Variants in ANO10 observed in about 807,000 individuals in gnomAD.
The protein encoded by ANO10 is anoctamin 10, also known as anoctamin-10.
ANO10 carries 77 observed loss-of-function variants against 74.7 expected under a neutral mutation model. The ratio of observed to expected loss-of-function variants is 1.03; its 90% CI spans 0.86 to 1.25. The LOEUF (loss-of-function observed/expected upper bound fraction) is 1.25, where lower values mean the gene tolerates loss of function less well. Ranked by LOEUF, ANO10 falls within the 50% of genes most tolerant of loss-of-function variation. ANO10 has a pLI of 0.00. For missense variants in ANO10, 721 were observed against 778.1 expected, an observed-to-expected ratio of 0.93 and a Z score of 0.87; for synonymous variants, 279 against 284.9, an observed-to-expected ratio of 0.98 and a Z score of 0.21.
At chr3:43,483,176 G>A (rs183238149) in intron 11 of ANO10, among the ~76,000 whole-genome samples, 3 of 152,310 alleles carry the variant, frequency 2.0e-5, no homozygotes, top group East Asian at 1.9e-4. Context: ...ATGATCATTC[G>A]TTTTTAAGAA....
intron 11 of ANO10, among the ~76,000 whole-genome samples, chr3:43,507,310 C>T (rs1290757292): frequency 2.0e-5 from 3 of 152,130 alleles, no homozygotes; most frequent in Non-Finnish European, 2.9e-5. Context: ...GTATTCTTCC[C>T]CTTCCCCTTC....
At chr3:43,607,910 A>G (rs1459224579) in intron 1 of ANO10, among the ~76,000 whole-genome samples, 4 of 152,166 alleles carry the variant, frequency 2.6e-5, no homozygotes, top group Non-Finnish European at 5.9e-5. Context: ...GATAAAAACC[A>G]TTGAATGATA....
intron 1 of ANO10, among the ~76,000 whole-genome samples, chr3:43,613,958 C>G (rs756534323): frequency 2.0e-5 from 3 of 152,056 alleles, no homozygotes; most frequent in Non-Finnish European, 4.4e-5. Context: ...AGGGCACTGT[C>G]TGGGAAGGGA....
intron 1 of ANO10, among the ~76,000 whole-genome samples, chr3:43,609,384 A>G (rs997648648): frequency 6.6e-6 from 1 of 152,228 alleles, no homozygotes; most frequent in Non-Finnish European, 1.5e-5. Flanking sequence ...GCAAAATTAA[A>G]TGTATAAAAC....
rs762428946 is a variant in ANO10 at position 43,565,714 on chromosome 3, T to C, written c.1232A>G (p.Asn411Ser). Residue 411 changes from asparagine to serine, a missense_variant, in exon 8 of 13, where the codon AAT becomes AGT. Transcript: ENST00000292246. ...ILKVLVFNFL[N>S]CFASLFYIAF... Reference sequence around the variant, plus strand: ...AATATAGAAGAGTGAGGCAAAGCAATTGAGGAAGTTGAACTGCCAAAAAAA... The same window carrying C: ...AATATAGAAGAGTGAGGCAAAGCAACTGAGGAAGTTGAACTGCCAAAAAAA... The C allele has an allele frequency of 1.6e-4, 250 of 1,549,744 alleles. 1 individual carries two copies. The South Asian group carries it at 2.3e-3, about 14-fold the overall frequency.
intron 4 of ANO10, among the ~76,000 whole-genome samples, chr3:43,584,280 T>C (rs1317139244): frequency 6.6e-6 from 1 of 152,212 alleles, no homozygotes; most frequent in East Asian, 1.9e-4. Flanking sequence ...TGGTTGAGGA[T>C]AGCCCAAGGT....
Position 43,628,470 on chromosome 3 carries a change from T to C in ANO10, c.-11-22607A>G, listed in dbSNP as rs13324010. ...GTGATAATTGCCTTAACTGCACAAA[T>C]TGTAGAGCATATGTGTTTAAACAAT... On this transcript the variant is annotated intron_variant, in intron 1 of 3. Transcript: ENST00000413397. Among the ~76,000 whole-genome samples the C allele has an allele frequency of 2.1e-3, 316 of 152,270 alleles. 2 individuals carry two copies. Among genetic ancestry groups the C allele is most frequent in the African/African-American group, 7.2e-3 (300 of 41,544 alleles).
chr3:43,635,279 A>G (rs1187544029), intron 1 of ANO10, among the ~76,000 whole-genome samples: 1 of 152,198 alleles, frequency 6.6e-6, no homozygotes, highest in Admixed American at 6.5e-5. Flanking sequence ...AAACATTCAG[A>G]GCTAAATTTG....
intron 1 of ANO10, chr3:43,690,872 T>A (rs912217996): frequency 8.9e-7 from 1 of 1,128,698 alleles, no homozygotes; most frequent in South Asian, 1.9e-5. Context: ...GCCGTGCTAG[T>A]GCGCGGAAGA....
At chr3:43,553,735 C>T (rs1163059290) in intron 10 of ANO10, among the ~76,000 whole-genome samples, 1 of 152,130 alleles carries the variant, frequency 6.6e-6, no homozygotes, top group Non-Finnish European at 1.5e-5. Context: ...TGGGGTTTCA[C>T]CACGTTGGCC....
At chr3:43,602,124 T>C (rs941575191) in intron 2 of ANO10, among the ~76,000 whole-genome samples, 2 of 152,140 alleles carry the variant, frequency 1.3e-5, no homozygotes, top group Admixed American at 1.3e-4. Context: ...CTCTCTCCTT[T>C]CCCAAGTGTC....
chr3:43,553,418 C>T (rs1263498044), intron 10 of ANO10, among the ~76,000 whole-genome samples: 1 of 152,120 alleles, frequency 6.6e-6, no homozygotes, highest in Non-Finnish European at 1.5e-5. Flanking sequence ...TCTTTCTTCT[C>T]TCCTTCTGTA....
chr3:43,602,839 C>T (rs1486461950), intron 2 of ANO10, among the ~76,000 whole-genome samples: 1 of 152,166 alleles, frequency 6.6e-6, no homozygotes, highest in Non-Finnish European at 1.5e-5. Flanking sequence ...TAACCTTTCC[C>T]TTTCAAATTG....
chr3:43,560,775 C>T (rs2079991917), intron 9 of ANO10, among the ~76,000 whole-genome samples: 1 of 152,186 alleles, frequency 6.6e-6, no homozygotes, highest in African/African-American at 2.4e-5. Context: ...TACAATAGCA[C>T]TAATGTAAAC....
intron 11 of ANO10, among the ~76,000 whole-genome samples, chr3:43,496,072 G>A (rs984877007): frequency 3.3e-5 from 5 of 152,066 alleles, no homozygotes; most frequent in African/African-American, 4.8e-5. Context: ...TAAGTTACCA[G>A]GACACTTTTG....
intron 10 of ANO10, among the ~76,000 whole-genome samples, chr3:43,551,907 T>C (rs4682689): frequency 0.097 from 14,735 of 152,228 alleles, 1,260 homozygotes; most frequent in African/African-American, 0.22. Flanking sequence ...TAATTGTTGT[T>C]TGACCATTTA....
chr3:43,505,134 T>C (rs1053600334), intron 11 of ANO10, among the ~76,000 whole-genome samples: 5 of 152,210 alleles, frequency 3.3e-5, no homozygotes, highest in African/African-American at 9.7e-5. Flanking sequence ...TAGTATGAGA[T>C]AGTGTTAGCA....
intron 12 of ANO10, among the ~76,000 whole-genome samples, chr3:43,373,134 C>T (rs1250897003): frequency 7.3e-6 from 1 of 137,756 alleles, no homozygotes; most frequent in East Asian, 2.2e-4. Flanking sequence ...ATTTGGGTCC[C>T]AGCCTAAGGT....
chr3:43,450,481 C>T (rs1312855775), intron 11 of ANO10, among the ~76,000 whole-genome samples: 1 of 152,152 alleles, frequency 6.6e-6, no homozygotes, highest in African/African-American at 2.4e-5. Context: ...GCGGAGGTTG[C>T]AGCGAGCTGA....
Sources: gnomAD v4.1 joint callset for allele counts (sites outside exome capture counted in the v4.1 genomes callset) on GRCh38, gnomAD v4.1.1 for gene constraint, MANE v1.5 for transcripts, NCBI Gene and HGNC (gene_info 2026-07-23, HGNC 2026-07-21) for gene names.